The following CEP112 variants were observed in gnomAD, a reference collection of about 807,000 sequenced individuals.
The protein encoded by CEP112 is centrosomal protein 112.
In CEP112, 127 loss-of-function variants were observed where a neutral mutation model predicts 153.0. That is an observed-to-expected ratio of 0.83 (90% CI 0.72 to 0.96). The LOEUF (loss-of-function observed/expected upper bound fraction) is 0.96, where lower values mean the gene tolerates loss of function less well. Among genes scored for constraint, CEP112 ranks in the 40% least tolerant of loss-of-function variants. The pLI, the probability that CEP112 is intolerant of heterozygous loss-of-function variation, is 0.00. For synonymous variants in CEP112, 358 were observed against 374.4 expected (o/e 0.96, Z 0.51); for missense variants, 1,089 against 1,101.2 (o/e 0.99, Z 0.16).
intron 18 of CEP112, among the ~76,000 whole-genome samples, chr17:65,952,510 C>T (rs911958068): frequency 4.6e-5 from 7 of 152,080 alleles, no homozygotes; most frequent in African/African-American, 1.7e-4. Context: ...TTTATCCTTT[C>T]ACCTTCTGAG....
chr17:65,745,388 T>C (rs775087666), intron 22 of CEP112, among the ~76,000 whole-genome samples: 1 of 152,218 alleles, frequency 6.6e-6, no homozygotes, highest in Non-Finnish European at 1.5e-5. Flanking sequence ...TTAATTCTCA[T>C]AGCACTTCTG....
At position 66,105,018 on chromosome 17, in the gene CEP112, G is replaced by A. The variant is rs145837063; in HGVS notation, c.643-8386C>T. The stretch of plus-strand genomic sequence containing the variant: ...ACTATTATAACACTGTAATTGTGGT[G>A]TATAAACTACTCATATCTGAAGTAG... On this transcript the variant is annotated intron_variant, in intron 6 of 26. Transcript: ENST00000535342. Among the ~76,000 whole-genome samples the A allele has an allele frequency of 7.2e-4, 110 of 152,222 alleles. 1 individual carries two copies. In the East Asian group the frequency reaches 0.011, roughly 16 times the overall value.
At chr17:65,805,859 T>C (rs970569382) in intron 21 of CEP112, among the ~76,000 whole-genome samples, 3 of 152,228 alleles carry the variant, frequency 2.0e-5, no homozygotes, top group Non-Finnish European at 4.4e-5. Flanking sequence ...AATCTTCATA[T>C]GGAAACACCT....
At chr17:65,810,171 G>T (rs1000091693) in intron 21 of CEP112, among the ~76,000 whole-genome samples, 2 of 152,176 alleles carry the variant, frequency 1.3e-5, no homozygotes, top group African/African-American at 4.8e-5. Context: ...TTAATAGAAA[G>T]ACCTTTTGAA....
At chr17:65,757,071 C>A (rs1434158373) in intron 21 of CEP112, among the ~76,000 whole-genome samples, 1 of 152,126 alleles carries the variant, frequency 6.6e-6, no homozygotes, top group African/African-American at 2.4e-5. Flanking sequence ...TCTTTCTCTG[C>A]CTGTCTCTCT....
At chr17:65,678,060 C>T (rs575153280) in intron 24 of CEP112, among the ~76,000 whole-genome samples, 416 of 152,022 alleles carry the variant, frequency 2.7e-3, no homozygotes, top group Middle Eastern at 0.017. Flanking sequence ...GTTAAGTGGC[C>T]CCTCGGAATG....
rs189414513 is a variant in CEP112, at chr17:65,814,052, G to T, written c.2394+37752C>A. Among the ~76,000 whole-genome samples the T allele has an allele frequency of 7.0e-4, 107 of 152,252 alleles. 1 individual carries two copies. Among genetic ancestry groups the T allele is most frequent in the African/African-American group, 2.4e-3 (99 of 41,548 alleles). ...ATAAATACCTATATCCTCTACAGGT[G>T]CCCTTTTCTCATAATAGAAAAGAGA... is the stretch of plus-strand genomic sequence containing the variant. On this transcript the variant is annotated intron_variant, in intron 21 of 26. Coordinates refer to ENST00000535342, the MANE Select transcript of CEP112 (RefSeq NM_001199165.4).
At chr17:65,814,710 A>T (rs964151817) in intron 21 of CEP112, among the ~76,000 whole-genome samples, 1 of 152,152 alleles carries the variant, frequency 6.6e-6, no homozygotes, top group Non-Finnish European at 1.5e-5. Flanking sequence ...ATAAACTTTG[A>T]AAGTAGTTGT....
At chr17:65,909,971 A>G (rs1202069919) in intron 19 of CEP112, among the ~76,000 whole-genome samples, 2 of 152,164 alleles carry the variant, frequency 1.3e-5, no homozygotes, top group African/African-American at 4.8e-5. Context: ...GACAATTTCA[A>G]TGGAGTAAAA....
In CEP112 at chr17:65,646,195, C is replaced by T. The variant is rs577602303; in HGVS notation, c.2698-5130G>A. Among the ~76,000 whole-genome samples the T allele has an allele frequency of 2.6e-5, 4 of 152,330 alleles. No homozygotes were observed. The East Asian group carries it at 7.7e-4, about 29-fold the overall frequency. ...TTGATCGCCATTATTCCTTCCATCACTTTTCAAATTCAGAAGTTATATTTT... is the reference window on the plus strand; with the variant it reads ...TTGATCGCCATTATTCCTTCCATCATTTTTCAAATTCAGAAGTTATATTTT... On this transcript the variant is annotated intron_variant, in intron 24 of 26. Transcript: ENST00000535342.
At position 66,107,735 on chromosome 17, in the gene CEP112, AG is replaced by A. The variant is rs142356548; in HGVS notation, c.643-11104del. On this transcript the variant is annotated intron_variant, in intron 6 of 26. Transcript: ENST00000535342. Reference sequence around the variant, plus strand: ...CCATACTACCCAAAGCAATCTACAGAGTCAATGCAATTACTGTAAAAATACC... The same window carrying A: ...CCATACTACCCAAAGCAATCTACAGATCAATGCAATTACTGTAAAAATACC... Among the ~76,000 whole-genome samples the A allele has an allele frequency of 2.2e-3, 341 of 152,298 alleles. 15 individuals are homozygous for A. In the East Asian group the frequency reaches 0.061, roughly 27 times the overall value.
rs144984176 is a variant in CEP112 at position 65,974,600 on chromosome 17, C to G, written c.1737-13002G>C. On this transcript the variant is annotated intron_variant, in intron 17 of 26. Coordinates refer to ENST00000535342, the MANE Select transcript of CEP112 (RefSeq NM_001199165.4). ...ATGCAACTGCAAATATTGGGAACAA[C>G]CTGTATACCCATATGTAGAACAGTG... Among the ~76,000 whole-genome samples, 1,221 of 152,284 alleles carry G rather than the reference C, an allele frequency of 8.0e-3. 8 individuals carry two copies. The highest frequency in any genetic ancestry group is 0.011 in the Non-Finnish European group (729 of 68,032).
At chr17:65,891,543 C>G (rs2059467803) in intron 20 of CEP112, among the ~76,000 whole-genome samples, 1 of 152,168 alleles carries the variant, frequency 6.6e-6, no homozygotes, top group Non-Finnish European at 1.5e-5. Context: ...ATTCCCCACA[C>G]CCAACCCATC....
At chr17:65,744,869 T>C (rs1472718708) in intron 22 of CEP112, among the ~76,000 whole-genome samples, 1 of 152,200 alleles carries the variant, frequency 6.6e-6, no homozygotes, top group African/African-American at 2.4e-5. Context: ...TTGTTTCTTC[T>C]AATAAAAGAA....
intron 23 of CEP112, among the ~76,000 whole-genome samples, chr17:65,695,643 C>G (rs2048318199): frequency 6.6e-6 from 1 of 152,014 alleles, no homozygotes; most frequent in Non-Finnish European, 1.5e-5. Context: ...TAAAGGAAAA[C>G]TTTATTGGAA....
At chr17:65,854,242 C>T (rs1339984892) in intron 20 of CEP112, among the ~76,000 whole-genome samples, 1 of 152,090 alleles carries the variant, frequency 6.6e-6, no homozygotes, top group East Asian at 1.9e-4. Flanking sequence ...AATAAGAATA[C>T]AAAGCTAAAT....
intron 12 of CEP112, among the ~76,000 whole-genome samples, chr17:66,049,333 TATA>T (rs1281213866): frequency 6.6e-6 from 1 of 152,210 alleles, no homozygotes; most frequent in African/African-American, 2.4e-5. Flanking sequence ...CTTGCATATA[TATA>T]ATAATATTAT....
At position 65,722,329 on chromosome 17, in the gene CEP112, ATC is replaced by A. The variant is rs570776780; in HGVS notation, c.2607+20737_2607+20738del. 1.1e-4 allele frequency among the ~76,000 whole-genome samples: 17 copies of A among 152,136 alleles called. No individual in the cohort carries two copies. The South Asian group carries it at 3.5e-3, about 32-fold the overall frequency. On this transcript the variant is annotated intron_variant, in intron 23 of 26. Transcript: ENST00000535342. ...AGTGGTGTGATCTTGGCTCACTGCA[ATC>A]TCTGCCTCCTGGGTTCAAGGGATTC...
At chr17:65,823,179 A>T (rs2056675035) in intron 21 of CEP112, among the ~76,000 whole-genome samples, 1 of 151,170 alleles carries the variant, frequency 6.6e-6, no homozygotes, top group South Asian at 2.1e-4. Context: ...TTTTGTGTAG[A>T]ATTCATTATG....
Sources: gnomAD v4.1 joint callset for allele counts (sites outside exome capture counted in the v4.1 genomes callset) on GRCh38, gnomAD v4.1.1 for gene constraint, MANE v1.5 for transcripts, NCBI Gene and HGNC (gene_info 2026-07-23, HGNC 2026-07-21) for gene names.